Variants in TRPM3 observed in about 807,000 individuals in gnomAD.
The protein encoded by TRPM3 is long transient receptor potential channel 3.
A neutral mutation model predicts 181.2 loss-of-function variants in TRPM3; 77 were observed. The ratio of observed to expected loss-of-function variants is 0.42; its 90% CI spans 0.35 to 0.51. TRPM3 has a LOEUF of 0.51. Among genes scored for constraint, TRPM3 ranks in the 20% least tolerant of loss-of-function variants. The probability of loss-of-function intolerance (pLI) is 0.01; values close to 1 mark genes in which losing one functional copy is unlikely to be tolerated. For synonymous variants in TRPM3, 745 were observed against 796.4 expected, an observed-to-expected ratio of 0.94 and a Z score of 1.09; for missense variants, 1,759 against 2,196.7, an observed-to-expected ratio of 0.80 and a Z score of 3.98.
At chr9:71,417,360 T>C (rs2093652334) in intron 1 of TRPM3, among the ~76,000 whole-genome samples, 1 of 152,018 alleles carries the variant, frequency 6.6e-6, no homozygotes, top group Admixed American at 6.6e-5. Context: ...TATCTCATTA[T>C]GGTTTTAACT....
chr9:71,411,105 AAATAATAAGAG>A (rs1565546102), intron 1 of TRPM3, among the ~76,000 whole-genome samples: 2 of 152,192 alleles, frequency 1.3e-5, no homozygotes, highest in African/African-American at 4.8e-5. Flanking sequence ...ACGTATTTCA[AAATAATAAGAG>A]CTATCTATGA....
At chr9:71,158,975 C>T (rs2076139596) in intron 1 of TRPM3, among the ~76,000 whole-genome samples, 1 of 152,022 alleles carries the variant, frequency 6.6e-6, no homozygotes, top group Non-Finnish European at 1.5e-5. Context: ...GGAATCTACA[C>T]CATCAGTGCT....
At chr9:71,387,136 AG>A in intron 1 of TRPM3, among the ~76,000 whole-genome samples, 1 of 152,328 alleles carries the variant, frequency 6.6e-6, no homozygotes, top group East Asian at 1.9e-4. Flanking sequence ...GGAATAAATT[AG>A]ACTCGATTTT....
intron 4 of TRPM3, among the ~76,000 whole-genome samples, chr9:70,845,290 A>G (rs1327281903): frequency 2.0e-5 from 3 of 152,150 alleles, no homozygotes; most frequent in Non-Finnish European, 4.4e-5. Flanking sequence ...CCCAGGCTGG[A>G]GTGTGGTGGC....
At chr9:70,852,709 C>A (rs2095273187) in intron 3 of TRPM3, among the ~76,000 whole-genome samples, 1 of 152,130 alleles carries the variant, frequency 6.6e-6, no homozygotes, top group Non-Finnish European at 1.5e-5. Flanking sequence ...ATGTAAACTC[C>A]CCATTCTTGC....
intron 1 of TRPM3, among the ~76,000 whole-genome samples, chr9:71,277,252 A>C (rs1030002144): frequency 6.6e-6 from 1 of 152,198 alleles, no homozygotes; most frequent in East Asian, 1.9e-4. Context: ...GATGGTGTCT[A>C]TGGCCACACC....
chr9:70,860,463 G>A (rs2095493428), intron 3 of TRPM3, among the ~76,000 whole-genome samples: 1 of 152,106 alleles, frequency 6.6e-6, no homozygotes, highest in East Asian at 1.9e-4. Context: ...TTTAATTCTA[G>A]AGACAGCCAT....
chr9:71,402,000 C>T (rs1472746754), intron 1 of TRPM3, among the ~76,000 whole-genome samples: 1 of 152,092 alleles, frequency 6.6e-6, no homozygotes, highest in Non-Finnish European at 1.5e-5. Flanking sequence ...GTGTGTAATC[C>T]GTAAATTGAT....
At chr9:70,899,999 C>A (rs2096360715) in intron 1 of TRPM3, among the ~76,000 whole-genome samples, 1 of 152,242 alleles carries the variant, frequency 6.6e-6, no homozygotes, top group African/African-American at 2.4e-5. Flanking sequence ...CTCTCATTAT[C>A]TTTTTCCTTC....
intron 1 of TRPM3, among the ~76,000 whole-genome samples, chr9:70,963,717 A>G (rs2097159817): frequency 6.6e-6 from 1 of 152,094 alleles, no homozygotes; most frequent in South Asian, 2.1e-4. Context: ...ATGTATTCAT[A>G]CTCATGTTCC....
chr9:70,653,956 T>G (rs1312405480), intron 9 of TRPM3, among the ~76,000 whole-genome samples: 2 of 152,154 alleles, frequency 1.3e-5, no homozygotes, highest in African/African-American at 4.8e-5. Flanking sequence ...TTTGGCTTTG[T>G]GGGTACCAGA....
intron 3 of TRPM3, 60 bp from the exon 4 acceptor site, chr9:70,846,651 C>T (rs1295578872): frequency 7.2e-7 from 1 of 1,398,310 alleles, no homozygotes; most frequent in Non-Finnish European, 1.0e-6. Flanking sequence ...GGCTGGTTAT[C>T]TTTACTGATT....
chr9:71,432,186 T>G (rs1172705220), intron 1 of TRPM3, among the ~76,000 whole-genome samples: 1 of 152,174 alleles, frequency 6.6e-6, no homozygotes, highest in African/African-American at 2.4e-5. Context: ...AGGACCATGA[T>G]GTTATCATAC....
intron 1 of TRPM3, among the ~76,000 whole-genome samples, chr9:71,333,107 A>G (rs1207876878): frequency 6.6e-6 from 1 of 151,884 alleles, no homozygotes; most frequent in East Asian, 1.9e-4. Context: ...ATATTTCTAT[A>G]AAAAAGATAG....
intron 22 of TRPM3, among the ~76,000 whole-genome samples, chr9:70,558,151 C>T (rs1362360096): frequency 6.6e-6 from 1 of 152,126 alleles, no homozygotes. Context: ...TCTCTTTTCA[C>T]AATACAACGT....
chr9:71,160,639 T>C (rs1044714240), intron 1 of TRPM3, among the ~76,000 whole-genome samples: 2 of 152,120 alleles, frequency 1.3e-5, no homozygotes, highest in African/African-American at 2.4e-5. Context: ...TCAAGTTCCA[T>C]CTCCTCTGTG....
chr9:71,114,894 T>C (rs540025721), intron 1 of TRPM3, among the ~76,000 whole-genome samples: 2 of 152,138 alleles, frequency 1.3e-5, no homozygotes, highest in African/African-American at 4.8e-5. Context: ...GCATAGAAAA[T>C]TCTGAAATTT....
At chr9:71,308,366 A>T (rs2087582689) in intron 1 of TRPM3, among the ~76,000 whole-genome samples, 1 of 152,170 alleles carries the variant, frequency 6.6e-6, no homozygotes. Context: ...GTCAGCATGA[A>T]TTCAGGAAAA....
At chr9:71,396,365 G>A (rs2093193953) in intron 1 of TRPM3, among the ~76,000 whole-genome samples, 1 of 150,692 alleles carries the variant, frequency 6.6e-6, no homozygotes, top group South Asian at 2.1e-4. Context: ...TGATTATCAA[G>A]GCACAAATTT....
Sources: gnomAD v4.1 joint callset for allele counts (sites outside exome capture counted in the v4.1 genomes callset) on GRCh38, gnomAD v4.1.1 for gene constraint, MANE v1.5 for transcripts, NCBI Gene and HGNC (gene_info 2026-07-23, HGNC 2026-07-21) for gene names.